Variants in WDR97 observed in about 807,000 individuals in gnomAD.
The protein encoded by WDR97 is WD repeat domain 97.
A neutral mutation model predicts 65.4 loss-of-function variants in WDR97; 111 were observed. That is an observed-to-expected ratio of 1.70 (90% CI 1.45 to 1.99). The LOEUF is 1.99. WDR97 is among the 30% of genes most tolerant of loss of function. The pLI is 0.00. For missense variants in WDR97, 1,674 were observed against 865.0 expected (o/e 1.94, Z -11.73); for synonymous variants, 802 against 397.7 (o/e 2.02, Z -12.10).
In WDR97 at chr8:144,110,592, T is replaced by C. The variant is rs367566162; in HGVS notation, c.2080+15T>C. On this transcript the variant is annotated intron_variant, in intron 7 of 23. Coordinates refer to ENST00000323662, the MANE Select transcript of WDR97 (RefSeq NM_001316309.2). ...CCACATCACTGGTGAGGGGGCAGCA[T>C]GGGTGAAGCCCAGCCACCGCCCAGC... The C allele has an allele frequency of 6.0e-4, 422 of 702,700 alleles. 2 individuals carry two copies. The African/African-American group carries it at 6.2e-3, about 10-fold the overall frequency. The allele number at this position is 702,700 out of a possible 1,614,324, so 43.5% of individuals were successfully genotyped here.
rs766161925 is a variant in WDR97, at chr8:144,112,277, G to A, written c.2949G>A (p.Gln983=). ...ACCTGGGCATCAGTCTGGATCTGCA[G>A]CTGCAGTTGGAGCAGCTCCGAGGGA... The part of the protein sequence containing the change: ...SHYLGISLDL[Q]LQLEQLRGRT... The change falls in exon 14 of 24, where the codon CAG becomes CAA. Residue 983 remains glutamine (Q), a synonymous_variant. Coordinates refer to ENST00000323662, the MANE Select transcript of WDR97 (RefSeq NM_001316309.2). 1 of 702,792 alleles carries A rather than the reference G, an allele frequency of 1.4e-6. No individual in the cohort carries two copies. The allele number at this position is 702,792 out of a possible 1,614,324, so 43.5% of individuals were successfully genotyped here. A position where few individuals can be genotyped will look rare whatever the true frequency, so the allele number is the denominator to read the frequency against.
In WDR97 at chr8:144,116,168, G is replaced by A. The variant is rs752298512; in HGVS notation, c.4744G>A (p.Val1582Met). 17 of 700,396 alleles carry A rather than the reference G, an allele frequency of 2.4e-5. No homozygotes were observed. The South Asian group carries it at 2.5e-4, about 10-fold the overall frequency. The allele number at this position is 700,396 out of a possible 1,614,324, so 43.4% of individuals were successfully genotyped here. A position where few individuals can be genotyped will look rare whatever the true frequency, so the allele number is the denominator to read the frequency against. The change falls in exon 24 of 24, where the codon GTG (valine) becomes ATG (methionine). Residue 1582 changes from valine to methionine, a missense_variant. By Grantham distance (21) the Val-to-Met change is conservative (BLOSUM62 1). Coordinates refer to ENST00000323662, the MANE Select transcript of WDR97 (RefSeq NM_001316309.2). ...IRTLKLPLPR[V>M]EPQPFPLDWP... is the part of the protein sequence containing the mutation. Reference sequence around the variant, plus strand: ...GACGCTGAAGCTGCCGTTGCCGCGTGTGGAGCCGCAGCCTTTCCCCCTGGA... The same window carrying A: ...GACGCTGAAGCTGCCGTTGCCGCGTATGGAGCCGCAGCCTTTCCCCCTGGA...
Position 144,109,788 on chromosome 8 carries a change from C to A in WDR97, c.1454C>A (p.Pro485Gln), listed in dbSNP as rs762934801. The A allele has an allele frequency of 1.0e-5, 7 of 669,190 alleles. No individual in the cohort carries two copies. The highest frequency in any genetic ancestry group is 3.2e-4 in the Middle Eastern group (1 of 3,156). 41.5% of individuals were successfully genotyped at this position (669,190 alleles called of 1,614,324 possible). A position where few individuals can be genotyped will look rare whatever the true frequency, so the allele number is the denominator to read the frequency against. Residue 485 changes from proline to glutamine, a missense_variant, in exon 5 of 24, where the codon CCG (proline) becomes CAG (glutamine). Coordinates refer to ENST00000323662, the MANE Select transcript of WDR97 (RefSeq NM_001316309.2). ...GCGGCAGCCGTGGCCTACTGCCTGC[C>A]GCGCGAGGCGCTGTGGCTGCTGACC... is the stretch of plus-strand genomic sequence containing the variant. Reference protein sequence around the residue: ...DCAAAVAYCLPREALWLLTRA... With the variant: ...DCAAAVAYCLQREALWLLTRA...
rs116053538 is a variant in WDR97 at position 144,117,396 on chromosome 8, G to A, written c.*1103G>A. 7 of 152,174 alleles carry A rather than the reference G, an allele frequency of 4.6e-5. No homozygotes were observed. Among genetic ancestry groups the A allele is most frequent in the Non-Finnish European group, 1.5e-5 (1 of 68,078 alleles). 9.4% of individuals were successfully genotyped at this position (152,174 alleles called of 1,614,324 possible). A position where few individuals can be genotyped will look rare whatever the true frequency, so the allele number is the denominator to read the frequency against. On this transcript the variant is annotated 3_prime_UTR_variant, in exon 24 of 24. Coordinates refer to ENST00000323662, the MANE Select transcript of WDR97 (RefSeq NM_001316309.2). The stretch of plus-strand genomic sequence containing the variant: ...AAAAATGAGTAAACCTAGATACCTC[G>A]ATCAGTGTCTAGCGATGTCAAGGCC...
intron 4 of WDR97, 27 bp downstream of exon 4, chr8:144,109,197 C>T (rs541085645): frequency 6.1e-5 from 43 of 702,834 alleles, no homozygotes; most frequent in South Asian, 5.3e-4. Flanking sequence ...GCACCCCGAG[C>T]CTCGGCCCTT....
chr8:144,111,135 A>G lies in WDR97; in HGVS notation c.2339A>G (p.Asp780Gly). 1 of 702,256 alleles carries G rather than the reference A, an allele frequency of 1.4e-6. No homozygotes were observed. The highest frequency in any genetic ancestry group is 2.6e-6 in the Non-Finnish European group (1 of 384,876). 43.5% of individuals were successfully genotyped at this position (702,256 alleles called of 1,614,324 possible). ...MCRKAPDVVD[D>G]PPLPLMSQES... ...CGGAAGGCCCCAGACGTGGTGGACG[A>G]CCCTCCGCTGCCACTGATGAGCCAG... Residue 780 changes from aspartate (D) to glycine (G), a missense_variant, in exon 10 of 24, where the codon GAC (aspartate) becomes GGC (glycine). Asp to Gly is a moderately conservative substitution (Grantham distance 94). Transcript: ENST00000323662.
At position 144,111,634 on chromosome 8, in the gene WDR97, C is replaced by T; in HGVS notation, c.2490C>T (p.Asp830=). The part of the protein sequence containing the change: ...ATSQHLVPKE[D]LDAIVARDRD... The stretch of plus-strand genomic sequence containing the variant: ...CTGATCCCTGAACCCTGACTCAGGA[C>T]TTGGACGCCATAGTGGCCCGGGACC... The change falls in exon 12 of 24, where the codon GAC becomes GAT. Residue 830 remains aspartate (D), a splice_region_variant and synonymous_variant. Coordinates refer to ENST00000323662, the MANE Select transcript of WDR97 (RefSeq NM_001316309.2). 1.5e-6 allele frequency: 1 copy of T among 688,242 alleles called. No homozygotes were observed. The highest frequency in any genetic ancestry group is 2.7e-6 in the Non-Finnish European group (1 of 376,610). The allele number at this position is 688,242 out of a possible 1,614,324, so 42.6% of individuals were successfully genotyped here.
chr8:144,117,166 C>T lies in WDR97; in HGVS notation c.*873C>T, dbSNP rs1814773885. 1.3e-5 allele frequency: 2 copies of T among 152,406 alleles called. No homozygotes were observed. The highest frequency in any genetic ancestry group is 4.1e-4 in the South Asian group (2 of 4,834). 9.4% of individuals were successfully genotyped at this position (152,406 alleles called of 1,614,324 possible). ...ACCAAATGGCTGCTCTTTCCCAGGC[C>T]GGTGCTTGACACAGTGGTGCCACCA... On this transcript the variant is annotated 3_prime_UTR_variant, in exon 24 of 24. Transcript: ENST00000323662.
rs1836527934 is a variant in WDR97, at chr8:144,110,650, CCTGTGCTG to C, written c.2086_2093del (p.Cys696ProfsTer21). 2.8e-6 allele frequency: 2 copies of C among 702,774 alleles called. 1 individual carries two copies. Among genetic ancestry groups the C allele is most frequent in the African/African-American group, 3.5e-5 (2 of 57,280 alleles). The allele number at this position is 702,774 out of a possible 1,614,324, so 43.5% of individuals were successfully genotyped here. ...CCTGACCCTGAACCCTGCCGCCAGG[CCTGTGCTG>C]CTGCCCCACGCTCAAACTGTATGCC... On this transcript the variant is annotated frameshift_variant and splice_region_variant, in exon 8 of 24. Coordinates refer to ENST00000323662, the MANE Select transcript of WDR97 (RefSeq NM_001316309.2). LOFTEE classifies it high-confidence loss of function.
At chr8:144,107,997 A>C (rs1368842681) in intron 1 of WDR97, 62 bp from the exon 2 acceptor site, 1 of 702,122 alleles carries the variant, frequency 1.4e-6, no homozygotes, top group African/African-American at 1.7e-5. Flanking sequence ...AGGGCTCCCC[A>C]TAACCGTCAG....
rs1246911693 is a variant in WDR97, at chr8:144,112,337, C to T, written c.3009C>T (p.His1003=). 2.8e-6 allele frequency: 2 copies of T among 702,616 alleles called. No individual in the cohort carries two copies. Among genetic ancestry groups the T allele is most frequent in the Admixed American group, 2.0e-5 (1 of 49,998 alleles). 43.5% of individuals were successfully genotyped at this position (702,616 alleles called of 1,614,324 possible). ...TTMALDLPSS[H]LQCRIPLLPK... is the part of the protein sequence containing the mutation. Reference sequence around the variant, plus strand: ...TGGCCCTGGACCTGCCATCCTCCCACTTGCAGTGCAGGGTGAGGGACCCAG... The same window carrying T: ...TGGCCCTGGACCTGCCATCCTCCCATTTGCAGTGCAGGGTGAGGGACCCAG... The change falls in exon 14 of 24, where the codon CAC becomes CAT. Residue 1003 remains histidine (H), a synonymous_variant. Coordinates refer to ENST00000323662, the MANE Select transcript of WDR97 (RefSeq NM_001316309.2).
At position 144,112,511 on chromosome 8, in the gene WDR97, C is replaced by A; in HGVS notation, c.3086C>A (p.Ala1029Asp). The A allele has an allele frequency of 2.8e-6, 2 of 702,674 alleles. No homozygotes were observed. Among genetic ancestry groups the A allele is most frequent in the Non-Finnish European group, 5.2e-6 (2 of 384,934 alleles). 43.5% of individuals were successfully genotyped at this position (702,674 alleles called of 1,614,324 possible). Residue 1029 changes from alanine (A) to aspartate (D), a missense_variant, in exon 15 of 24, where the codon GCC becomes GAC. Transcript: ENST00000323662. The stretch of plus-strand genomic sequence containing the variant: ...TCTAGCCTCAGGGGCTTCTTTCCTG[C>A]CACCGTGCAGCCCCACAAGGTGAGA... ...PLSSLRGFFP[A>D]TVQPHKHCLR...
intron 15 of WDR97, 195 bp from the exon 16 acceptor site, chr8:144,113,245 C>A: frequency 1.7e-6 from 1 of 597,682 alleles, no homozygotes; most frequent in South Asian, 2.1e-5. Flanking sequence ...CTGAGGGCCT[C>A]GCCCCTGGTA....
In WDR97 at chr8:144,112,579, C is replaced by T. The variant is rs1371406703; in HGVS notation, c.3105+49C>T. The T allele has an allele frequency of 1.1e-5, 8 of 700,418 alleles. No individual in the cohort carries two copies. In the Admixed American group the frequency reaches 1.4e-4, roughly 12 times the overall value. 43.4% of individuals were successfully genotyped at this position (700,418 alleles called of 1,614,324 possible). A position where few individuals can be genotyped will look rare whatever the true frequency, so the allele number is the denominator to read the frequency against. Reference sequence around the variant, plus strand: ...GAGAGCCACTCCTCTCCAGGCATCACTCTTGTGCCTGCCATCTCCCCTTTG... The same window carrying T: ...GAGAGCCACTCCTCTCCAGGCATCATTCTTGTGCCTGCCATCTCCCCTTTG... On this transcript the variant is annotated intron_variant, in intron 15 of 23. Transcript: ENST00000323662.
At chr8:144,110,087 G>A (rs918846689) in intron 5 of WDR97, 27 bp from the exon 6 acceptor site, 13 of 700,064 alleles carry the variant, frequency 1.9e-5, no homozygotes, top group African/African-American at 1.4e-4. Flanking sequence ...GGCAGGGTCC[G>A]CGCCAACAGG....
At position 144,112,040 on chromosome 8, in the gene WDR97, TC is replaced by T; in HGVS notation, c.2795del (p.Pro932HisfsTer41). The T allele has an allele frequency of 1.4e-6, 1 of 702,390 alleles. No individual in the cohort carries two copies. Among genetic ancestry groups the T allele is most frequent in the East Asian group, 2.7e-5 (1 of 37,276 alleles). 43.5% of individuals were successfully genotyped at this position (702,390 alleles called of 1,614,324 possible). On this transcript the variant is annotated frameshift_variant, in exon 13 of 24. Transcript: ENST00000323662. LOFTEE classifies it high-confidence loss of function. ...TAAQTVPTAL[S>X]PQDLGALGQH... ...AGCCCAAACAGTGCCAACAGCCCTG[TC>T]CCCACAGGACCTGGGAGCCCTGGGC...
In WDR97 at chr8:144,109,604, A is replaced by T; in HGVS notation, c.1270A>T (p.Lys424Ter). 1.5e-6 allele frequency: 1 copy of T among 688,990 alleles called. No homozygotes were observed. The highest frequency in any genetic ancestry group is 2.6e-6 in the Non-Finnish European group (1 of 379,156). The allele number at this position is 688,990 out of a possible 1,614,324, so 42.7% of individuals were successfully genotyped here. A position where few individuals can be genotyped will look rare whatever the true frequency, so the allele number is the denominator to read the frequency against. The change falls in exon 5 of 24, where the codon AAG becomes TAG. Residue 424 changes from lysine to a stop codon, truncating the protein, a stop_gained. Transcript: ENST00000323662. LOFTEE classifies it high-confidence loss of function. ...LYSPLAQLPA[K>*]VLHVQVAPAL... ...CTCGCCGTTGGCGCAACTGCCCGCC[A>T]AGGTGCTCCACGTGCAGGTGGCGCC...
chr8:144,111,995 C>T lies in WDR97; in HGVS notation c.2746C>T (p.Arg916Trp), dbSNP rs566971224. ...AVPQAAHCLA[R>W]AEVSTAAQTV... is the part of the protein sequence containing the mutation. ...ACCCCAAGCTGCCCACTGTCTTGCC[C>T]GGGCTGAGGTCAGCACTGCAGCCCA... The change falls in exon 13 of 24, where the codon CGG (arginine) becomes TGG (tryptophan). Residue 916 changes from arginine to tryptophan, a missense_variant. Physicochemically the swap from Arg to Trp is moderately radical, Grantham distance 101. Coordinates refer to ENST00000323662, the MANE Select transcript of WDR97 (RefSeq NM_001316309.2). The T allele has an allele frequency of 1.0e-5, 7 of 702,508 alleles. No individual in the cohort carries two copies. The highest frequency in any genetic ancestry group is 3.5e-5 in the African/African-American group (2 of 57,218). 43.5% of individuals were successfully genotyped at this position (702,508 alleles called of 1,614,324 possible).
chr8:144,115,125 TG>T (rs112725932), intron 21 of WDR97, among the ~76,000 whole-genome samples: 15,046 of 152,262 alleles, frequency 0.099, 956 homozygotes, highest in African/African-American at 0.17. Context: ...GGGACAGCCC[TG>T]GGACCTCCTT....
Sources: gnomAD v4.1 joint callset for allele counts (sites outside exome capture counted in the v4.1 genomes callset) on GRCh38, gnomAD v4.1.1 for gene constraint, MANE v1.5 for transcripts, NCBI Gene and HGNC (gene_info 2026-07-23, HGNC 2026-07-21) for gene names.